Variants in CNTNAP5 observed in about 807,000 individuals in gnomAD.
CNTNAP5 encodes the protein contactin-associated protein-like 5.
A neutral mutation model predicts 150.2 loss-of-function variants in CNTNAP5; 72 were observed. The observed-to-expected ratio is 0.48, with a 90% CI of 0.40 to 0.58. The LOEUF (loss-of-function observed/expected upper bound fraction) is 0.58. CNTNAP5 is among the 20% of genes least tolerant of loss of function. CNTNAP5 has a pLI of 0.00. For synonymous variants in CNTNAP5, 672 were observed against 619.8 expected (o/e 1.08, Z -1.25); for missense variants, 1,636 against 1,626.2 (o/e 1.01, Z -0.10).
At chr2:124,439,671 G>T (rs542697560) in intron 5 of CNTNAP5, among the ~76,000 whole-genome samples, 2 of 152,232 alleles carry the variant, frequency 1.3e-5, no homozygotes, top group South Asian at 2.1e-4. Flanking sequence ...GAATCACATT[G>T]CTTCCTGTCC....
chr2:124,724,926 T>G (rs1476022607), intron 13 of CNTNAP5, among the ~76,000 whole-genome samples: 1 of 149,152 alleles, frequency 6.7e-6, no homozygotes, highest in East Asian at 2.0e-4. Context: ...CCCTTAGCTT[T>G]TTTTTTTTTT....
intron 2 of CNTNAP5, among the ~76,000 whole-genome samples, chr2:124,228,473 G>A (rs1046483321): frequency 3.9e-5 from 6 of 152,078 alleles, no homozygotes; most frequent in Admixed American, 3.3e-4. Flanking sequence ...TGTCTTACAG[G>A]GTTATAAAAC....
intron 13 of CNTNAP5, among the ~76,000 whole-genome samples, chr2:124,667,081 A>G (rs1028701730): frequency 4.6e-5 from 7 of 152,248 alleles, no homozygotes; most frequent in African/African-American, 1.4e-4. Context: ...CATTGATATT[A>G]TAAAGGACTT....
At chr2:124,145,647 G>A (rs1202324735) in intron 1 of CNTNAP5, among the ~76,000 whole-genome samples, 2 of 66,922 alleles carry the variant, frequency 3.0e-5, no homozygotes, top group Non-Finnish European at 5.7e-5. Context: ...ACTGTGGTGG[G>A]GTCGGGGGAG....
rs534322260 is a variant in CNTNAP5 at position 124,620,629 on chromosome 2, A to T, written c.1876+10709A>T. ...CTAGCTGGATGGCCTTGGATAAATC[A>T]TCTAACATTTCTAGATCTTGGTTTT... On this transcript the variant is annotated intron_variant, in intron 12 of 23. Transcript: ENST00000682447. 2.6e-5 allele frequency among the ~76,000 whole-genome samples: 4 copies of T among 152,148 alleles called. No homozygotes were observed. The East Asian group carries it at 7.7e-4, about 29-fold the overall frequency.
At chr2:124,322,453 G>T (rs1165620462) in intron 3 of CNTNAP5, among the ~76,000 whole-genome samples, 2 of 152,000 alleles carry the variant, frequency 1.3e-5, no homozygotes, top group Non-Finnish European at 2.9e-5. Context: ...GTTAACCTAA[G>T]AAATTTTACT....
intron 13 of CNTNAP5, among the ~76,000 whole-genome samples, chr2:124,692,896 T>G (rs921483726): frequency 1.3e-5 from 2 of 152,118 alleles, no homozygotes; most frequent in African/African-American, 4.8e-5. Flanking sequence ...AGTTGGCCTC[T>G]TCTTGTTCAG....
At chr2:124,532,664 C>T (rs929255238) in intron 10 of CNTNAP5, among the ~76,000 whole-genome samples, 5 of 152,302 alleles carry the variant, frequency 3.3e-5, no homozygotes, top group Non-Finnish European at 4.4e-5. Context: ...CTTTCAGAAG[C>T]AGCAGGACAC....
chr2:124,066,931 A>G (rs1682175267), intron 1 of CNTNAP5, among the ~76,000 whole-genome samples: 1 of 152,178 alleles, frequency 6.6e-6, no homozygotes, highest in African/African-American at 2.4e-5. Flanking sequence ...CTACACAAAT[A>G]TGCTGCTGTT....
intron 3 of CNTNAP5, among the ~76,000 whole-genome samples, chr2:124,389,974 T>C (rs903069033): frequency 3.6e-5 from 4 of 111,314 alleles, no homozygotes; most frequent in Non-Finnish European, 8.5e-5. Context: ...AAAATAATAA[T>C]AGTAATAATA....
At chr2:124,075,261 G>A (rs749922261) in intron 1 of CNTNAP5, among the ~76,000 whole-genome samples, 1 of 151,948 alleles carries the variant, frequency 6.6e-6, no homozygotes, top group Non-Finnish European at 1.5e-5. Flanking sequence ...CACAAAGCAG[G>A]CATCTTTTCT....
intron 19 of CNTNAP5, among the ~76,000 whole-genome samples, chr2:124,858,510 C>A (rs1488825033): frequency 6.6e-6 from 1 of 152,116 alleles, no homozygotes; most frequent in Non-Finnish European, 1.5e-5. Context: ...TGTGAAGGAC[C>A]TCTTCAAGGA....
chr2:124,204,474 G>C (rs1451905637), intron 1 of CNTNAP5, among the ~76,000 whole-genome samples: 1 of 152,122 alleles, frequency 6.6e-6, no homozygotes, highest in Non-Finnish European at 1.5e-5. Context: ...ACATCATTCT[G>C]GGGTATCTTT....
intron 6 of CNTNAP5, among the ~76,000 whole-genome samples, chr2:124,457,241 C>A (rs1186591931): frequency 6.6e-6 from 1 of 152,036 alleles, no homozygotes; most frequent in African/African-American, 2.4e-5. Flanking sequence ...TTGGCTTAGG[C>A]AAAGACTTCA....
At chr2:124,208,472 A>G (rs2104720541) in intron 1 of CNTNAP5, among the ~76,000 whole-genome samples, 1 of 152,366 alleles carries the variant, frequency 6.6e-6, no homozygotes, top group East Asian at 1.9e-4. Context: ...TTGTGAGAGT[A>G]ATAGCATGTG....
intron 19 of CNTNAP5, among the ~76,000 whole-genome samples, chr2:124,819,920 G>A (rs978924525): frequency 1.3e-5 from 2 of 152,044 alleles, no homozygotes. Flanking sequence ...CTCCATGTAG[G>A]CTCTGCCTTA....
At chr2:124,903,801 T>G (rs1678466919) in intron 22 of CNTNAP5, among the ~76,000 whole-genome samples, 1 of 152,102 alleles carries the variant, frequency 6.6e-6, no homozygotes, top group Non-Finnish European at 1.5e-5. Context: ...TGCCTGAAAT[T>G]GCCGCACTTT....
chr2:124,483,519 G>A (rs745704693), intron 7 of CNTNAP5, among the ~76,000 whole-genome samples: 20 of 152,188 alleles, frequency 1.3e-4, no homozygotes, highest in Non-Finnish European at 2.4e-4. Context: ...GAAGGCTACT[G>A]TAATCTGTAA....
In CNTNAP5 at chr2:124,719,677, C is replaced by T. The variant is rs930708853; in HGVS notation, c.2078-27552C>T. On this transcript the variant is annotated intron_variant, in intron 13 of 23. Coordinates refer to ENST00000682447, the MANE Select transcript of CNTNAP5 (RefSeq NM_001367498.1). ...TATTTTATACTTTCTCTGTTGAAGGCACTTAAACTATATCCCCATTTTTTT... is the reference window on the plus strand; with the variant it reads ...TATTTTATACTTTCTCTGTTGAAGGTACTTAAACTATATCCCCATTTTTTT... Among the ~76,000 whole-genome samples the T allele has an allele frequency of 4.6e-4, 70 of 152,236 alleles. 1 individual carries two copies. The highest frequency in any genetic ancestry group is 1.7e-3 in the African/African-American group (69 of 41,542).
Sources: gnomAD v4.1 joint callset for allele counts (sites outside exome capture counted in the v4.1 genomes callset) on GRCh38, gnomAD v4.1.1 for gene constraint, MANE v1.5 for transcripts, NCBI Gene and HGNC (gene_info 2026-07-23, HGNC 2026-07-21) for gene names.